SGCZ: variants seen among roughly 807,000 people sequenced by gnomAD.
The protein encoded by SGCZ is sarcoglycan zeta.
Under a neutral mutation model 41.3 loss-of-function variants are expected in SGCZ, and 40 were observed. That is an observed-to-expected ratio of 0.97 (90% CI 0.75 to 1.26). The LOEUF is 1.26. Ranked by LOEUF, SGCZ falls within the 50% of genes most tolerant of loss-of-function variation. The pLI, the probability that SGCZ is intolerant of heterozygous loss-of-function variation, is 0.00. For missense variants in SGCZ, 552 were observed against 369.8 expected, an observed-to-expected ratio of 1.49 and a Z score of -4.04; for synonymous variants, 206 against 137.5, an observed-to-expected ratio of 1.50 and a Z score of -3.49.
intron 3 of SGCZ, among the ~76,000 whole-genome samples, chr8:14,254,479 T>G (rs920896648): frequency 2.0e-5 from 3 of 152,160 alleles, no homozygotes; most frequent in Non-Finnish European, 4.4e-5. Context: ...GATGTTATCT[T>G]AGGTCAAAAA....
chr8:14,563,627 G>A (rs1477224648), intron 1 of SGCZ, among the ~76,000 whole-genome samples: 2 of 152,030 alleles, frequency 1.3e-5, no homozygotes, highest in Non-Finnish European at 2.9e-5. Flanking sequence ...GTAGGGATCT[G>A]AAAAATTTAA....
intron 4 of SGCZ, among the ~76,000 whole-genome samples, chr8:14,205,107 C>T (rs1488046474): frequency 6.6e-6 from 1 of 152,068 alleles, no homozygotes; most frequent in African/African-American, 2.4e-5. Flanking sequence ...AAGATAAATC[C>T]ACTTCTCAAA....
chr8:15,107,803 G>A (rs949676430), intron 1 of SGCZ, among the ~76,000 whole-genome samples: 1 of 152,142 alleles, frequency 6.6e-6, no homozygotes, highest in Non-Finnish European at 1.5e-5. Context: ...GAGATTTGGT[G>A]TTTGAAAATA....
chr8:14,996,504 T>G (rs549229553), intron 1 of SGCZ, among the ~76,000 whole-genome samples: 15 of 152,236 alleles, frequency 9.9e-5, no homozygotes, highest in Non-Finnish European at 1.8e-4. Flanking sequence ...TGAACTCAAG[T>G]GATCATTGAG....
intron 1 of SGCZ, among the ~76,000 whole-genome samples, chr8:14,759,634 T>TACTG (rs1165467533): frequency 6.6e-6 from 1 of 152,172 alleles, no homozygotes; most frequent in Non-Finnish European, 1.5e-5. Flanking sequence ...TTTTGTATCA[T>TACTG]ACTGACAGAT....
chr8:14,914,466 G>A (rs1799367187), intron 1 of SGCZ, among the ~76,000 whole-genome samples: 1 of 151,866 alleles, frequency 6.6e-6, no homozygotes, highest in Non-Finnish European at 1.5e-5. Flanking sequence ...TATCGCTGGA[G>A]TTTCGTGGCC....
intron 1 of SGCZ, among the ~76,000 whole-genome samples, chr8:15,215,739 C>T (rs912512714): frequency 3.3e-5 from 5 of 152,148 alleles, no homozygotes; most frequent in African/African-American, 1.2e-4. Flanking sequence ...TGTTAAAGAG[C>T]TCTGGAATAG....
intron 1 of SGCZ, among the ~76,000 whole-genome samples, chr8:14,849,743 A>T (rs937803310): frequency 6.6e-6 from 1 of 152,140 alleles, no homozygotes; most frequent in African/African-American, 2.4e-5. Flanking sequence ...ATGAATGTAT[A>T]CTTATGTCAA....
intron 1 of SGCZ, among the ~76,000 whole-genome samples, chr8:14,819,789 C>A (rs967832556): frequency 6.6e-6 from 1 of 151,944 alleles, no homozygotes; most frequent in Non-Finnish European, 1.5e-5. Context: ...TTGCTATGAA[C>A]CTAAAATAAT....
At chr8:15,058,891 T>C (rs983782265) in intron 1 of SGCZ, among the ~76,000 whole-genome samples, 6 of 152,190 alleles carry the variant, frequency 3.9e-5, no homozygotes, top group African/African-American at 1.2e-4. Flanking sequence ...TAGAATATTG[T>C]ATTTAGGAGT....
chr8:14,263,674 A>G (rs1799759522), intron 3 of SGCZ, among the ~76,000 whole-genome samples: 2 of 152,186 alleles, frequency 1.3e-5, no homozygotes, highest in African/African-American at 4.8e-5. Context: ...GAAACATCAA[A>G]TTTAGCAACT....
chr8:14,528,825 G>A (rs1159338080), intron 2 of SGCZ, among the ~76,000 whole-genome samples: 1 of 14,684 alleles, frequency 6.8e-5, no homozygotes. Flanking sequence ...TCACGGACCA[G>A]CCAAAAAAAA....
At chr8:14,095,040 G>C (rs1394811697) in intron 7 of SGCZ, among the ~76,000 whole-genome samples, 2 of 151,680 alleles carry the variant, frequency 1.3e-5, no homozygotes, top group Non-Finnish European at 2.9e-5. Flanking sequence ...TTGTCAGATG[G>C]GTACATTGCA....
intron 1 of SGCZ, among the ~76,000 whole-genome samples, chr8:15,054,132 G>A (rs1804620818): frequency 6.6e-6 from 1 of 152,296 alleles, no homozygotes; most frequent in South Asian, 2.1e-4. Flanking sequence ...ATATTGATAA[G>A]AATCTGTGTA....
chr8:14,119,744 C>T (rs180763018), intron 5 of SGCZ, among the ~76,000 whole-genome samples: 3 of 152,058 alleles, frequency 2.0e-5, no homozygotes, highest in African/African-American at 7.2e-5. Context: ...CCATCAATAT[C>T]TAGTTTGTTG....
At chr8:14,501,023 G>C (rs964794453) in intron 2 of SGCZ, among the ~76,000 whole-genome samples, 1 of 151,948 alleles carries the variant, frequency 6.6e-6, no homozygotes, top group Non-Finnish European at 1.5e-5. Context: ...AGATCTTGAG[G>C]TCAGATCTTT....
At chr8:14,927,136 T>A (rs1585385638) in intron 1 of SGCZ, among the ~76,000 whole-genome samples, 1 of 127,476 alleles carries the variant, frequency 7.8e-6, no homozygotes, top group Admixed American at 9.8e-5. Flanking sequence ...TGAGGCAGAG[T>A]CTCGCTCTGT....
intron 1 of SGCZ, among the ~76,000 whole-genome samples, chr8:15,228,369 G>C (rs762704048): frequency 6.6e-6 from 1 of 152,098 alleles, no homozygotes; most frequent in African/African-American, 2.4e-5. Context: ...ATTAAGACAC[G>C]ACACTGTGCA....
chr8:15,207,052 G>A (rs9918783), intron 1 of SGCZ, among the ~76,000 whole-genome samples: 8,294 of 152,272 alleles, frequency 0.054, 256 homozygotes, highest in South Asian at 0.074. Context: ...AAGGGATGTG[G>A]GGCTTGAAAA....
Sources: gnomAD v4.1 joint callset for allele counts (sites outside exome capture counted in the v4.1 genomes callset) on GRCh38, gnomAD v4.1.1 for gene constraint, MANE v1.5 for transcripts, NCBI Gene and HGNC (gene_info 2026-07-23, HGNC 2026-07-21) for gene names.